SEC23IP: variants seen among roughly 807,000 people sequenced by gnomAD.
SEC23IP encodes the protein SEC23 interacting protein.
In SEC23IP, 70 loss-of-function variants were observed where a neutral mutation model predicts 113.4. The ratio of observed to expected loss-of-function variants is 0.62; its 90% CI spans 0.51 to 0.75. The LOEUF is 0.75. Among genes scored for constraint, SEC23IP ranks in the 30% least tolerant of loss-of-function variants. The probability of loss-of-function intolerance (pLI) is 0.00; values close to 1 mark genes in which losing one functional copy is unlikely to be tolerated. For missense variants in SEC23IP, 1,160 were observed against 1,204.9 expected, an observed-to-expected ratio of 0.96 and a Z score of 0.55; for synonymous variants, 398 against 421.0, an observed-to-expected ratio of 0.95 and a Z score of 0.67.
chr10:119,911,759 G>A (rs543401548), intron 5 of SEC23IP, among the ~76,000 whole-genome samples: 76 of 152,256 alleles, frequency 5.0e-4, no homozygotes, highest in African/African-American at 1.8e-3. Flanking sequence ...ACAGGTGTGA[G>A]CCACCATACC....
chr10:119,910,988 C>CT (rs202195036), intron 5 of SEC23IP, among the ~76,000 whole-genome samples: 89 of 139,912 alleles, frequency 6.4e-4, no homozygotes, highest in South Asian at 6.9e-4. Context: ...CTTGGCTAAC[C>CT]TTTTTTTTTT....
intron 18 of SEC23IP, among the ~76,000 whole-genome samples, chr10:119,936,199 A>C (rs1306873132): frequency 3.9e-5 from 6 of 152,132 alleles, no homozygotes; most frequent in Non-Finnish European, 5.9e-5. Flanking sequence ...ACTTTTTGCC[A>C]ATCTCTGTTT....
intron 1 of SEC23IP, among the ~76,000 whole-genome samples, chr10:119,898,012 A>G (rs1383973332): frequency 7.7e-6 from 1 of 130,492 alleles, no homozygotes; most frequent in Non-Finnish European, 1.7e-5. Context: ...CTCAAAAAAA[A>G]ATAAAAAAAA....
intron 8 of SEC23IP, among the ~76,000 whole-genome samples, chr10:119,916,643 CATTCCATGTAGCCCTGTTTTTTCTG>C (rs1157532520): frequency 6.6e-6 from 1 of 152,148 alleles, no homozygotes; most frequent in Non-Finnish European, 1.5e-5. Context: ...GAAGATTTTT[CATTCCATGTAGCCCTGTTTTTTCTG>C]TTTGATATTC....
intron 18 of SEC23IP, among the ~76,000 whole-genome samples, chr10:119,935,124 A>G (rs1855730581): frequency 6.6e-6 from 1 of 152,222 alleles, no homozygotes; most frequent in Non-Finnish European, 1.5e-5. Context: ...CCTTCCAGAT[A>G]TCTGTTAACA....
At chr10:119,909,850 C>T (rs1589830457) in intron 5 of SEC23IP, among the ~76,000 whole-genome samples, 1 of 151,990 alleles carries the variant, frequency 6.6e-6, no homozygotes, top group African/African-American at 2.4e-5. Flanking sequence ...TGATCACGCT[C>T]ACTCCAGCCT....
Position 119,892,916 on chromosome 10 carries a change from C to G in SEC23IP, c.134C>G (p.Ala45Gly). The change falls in exon 1 of 19, where the codon GCT becomes GGT. Residue 45 changes from alanine to glycine, a missense_variant. By Grantham distance (60) the Ala-to-Gly change is moderately conservative. Coordinates refer to ENST00000369075, the MANE Select transcript of SEC23IP (RefSeq NM_007190.4). Reference sequence around the variant, plus strand: ...TTCATCCCAGTCACCCAGGCCTCCGCTTCTCCGGCCTCCCTGCTCTTACCG... The same window carrying G: ...TTCATCCCAGTCACCCAGGCCTCCGGTTCTCCGGCCTCCCTGCTCTTACCG... ...VPFIPVTQASASPASLLLPGE... is the reference protein window; with the variant it reads ...VPFIPVTQASGSPASLLLPGE... 1 of 1,613,396 alleles carries G rather than the reference C, an allele frequency of 6.2e-7. No homozygotes were observed. The highest frequency in any genetic ancestry group is 1.1e-5 in the South Asian group (1 of 90,964).
At chr10:119,925,583 C>A (rs1343122828) in intron 12 of SEC23IP, among the ~76,000 whole-genome samples, 7 of 151,778 alleles carry the variant, frequency 4.6e-5, no homozygotes, top group African/African-American at 1.7e-4. Context: ...TCTCTGTTGC[C>A]CAGGGTGGAG....
chr10:119,929,554 C>T (rs1855526145), intron 13 of SEC23IP, 53 bp from the exon 14 acceptor site: 1 of 1,515,502 alleles, frequency 6.6e-7, no homozygotes, highest in South Asian at 1.2e-5. Context: ...AAAGAATTTT[C>T]TACTAGGTGA....
chr10:119,892,899 A>C lies in SEC23IP; in HGVS notation c.117A>C (p.Pro39=). The C allele has an allele frequency of 1.2e-6, 2 of 1,613,128 alleles. No individual in the cohort carries two copies. Among genetic ancestry groups the C allele is most frequent in the Non-Finnish European group, 1.7e-6 (2 of 1,179,578 alleles). The change falls in exon 1 of 19, where the codon CCA becomes CCC. Residue 39 remains proline (P), a synonymous_variant. Coordinates refer to ENST00000369075, the MANE Select transcript of SEC23IP (RefSeq NM_007190.4). The part of the protein sequence containing the change: ...TEFSFNVPFI[P]VTQASASPAS... Reference sequence around the variant, plus strand: ...TCAGCTTCAATGTGCCCTTCATCCCAGTCACCCAGGCCTCCGCTTCTCCGG... The same window carrying C: ...TCAGCTTCAATGTGCCCTTCATCCCCGTCACCCAGGCCTCCGCTTCTCCGG...
intron 8 of SEC23IP, among the ~76,000 whole-genome samples, chr10:119,917,190 C>G (rs1249744493): frequency 4.0e-5 from 6 of 151,742 alleles, no homozygotes; most frequent in Admixed American, 3.9e-4. Flanking sequence ...TTTGGTTTAC[C>G]TTTATTTATA....
At chr10:119,932,819 T>C (rs1364655283) in intron 16 of SEC23IP, among the ~76,000 whole-genome samples, 186 bp from the exon 17 acceptor site, 1 of 152,208 alleles carries the variant, frequency 6.6e-6, no homozygotes, top group Non-Finnish European at 1.5e-5. Flanking sequence ...TTGGCTCTTT[T>C]CTCCTCTCTC....
chr10:119,937,032 C>T (rs752024953), intron 18 of SEC23IP, among the ~76,000 whole-genome samples: 7 of 151,716 alleles, frequency 4.6e-5, no homozygotes, highest in Non-Finnish European at 8.8e-5. Flanking sequence ...GGACTACAGG[C>T]GCCCGCTGCT....
At chr10:119,934,243 A>AG (rs1292268861) in intron 18 of SEC23IP, among the ~76,000 whole-genome samples, 1 of 152,230 alleles carries the variant, frequency 6.6e-6, no homozygotes, top group African/African-American at 2.4e-5. Context: ...CCATGGTTGC[A>AG]GATACCATAT....
At chr10:119,937,118 G>A (rs952913689) in intron 18 of SEC23IP, among the ~76,000 whole-genome samples, 14 of 151,366 alleles carry the variant, frequency 9.2e-5, no homozygotes, top group African/African-American at 3.2e-4. Flanking sequence ...CTCGTGATCC[G>A]CCCGCCTTGG....
intron 18 of SEC23IP, 51 bp from the exon 19 acceptor site, chr10:119,940,535 A>T (rs1855932775): frequency 6.7e-6 from 1 of 149,678 alleles, no homozygotes; most frequent in African/African-American, 2.5e-5. Flanking sequence ...ATGGTATTTG[A>T]CTGTAAATTT....
chr10:119,912,870 G>A lies in SEC23IP; in HGVS notation c.1312+706G>A, dbSNP rs551244072. Among the ~76,000 whole-genome samples, 6 of 151,936 alleles carry A rather than the reference G, an allele frequency of 3.9e-5. No homozygotes were observed. In the South Asian group the frequency reaches 1.2e-3, roughly 32 times the overall value. ...TGGCCAGGCTGGTCTCAAACTCCTG[G>A]CCTCAAGTCATCCACCTGCCTCAGC... is the stretch of plus-strand genomic sequence containing the variant. On this transcript the variant is annotated intron_variant, in intron 6 of 18. Transcript: ENST00000369075.
At chr10:119,917,713 A>G in intron 8 of SEC23IP, 123 bp from the exon 9 acceptor site, 2 of 682,314 alleles carry the variant, frequency 2.9e-6, no homozygotes, top group South Asian at 1.9e-5. Flanking sequence ...ATCTACAGAA[A>G]CAACTCATAG....
chr10:119,892,967 C>A (rs568199079), intron 1 of SEC23IP, 22 bp downstream of exon 1: 2 of 1,598,692 alleles, frequency 1.3e-6, no homozygotes, highest in Non-Finnish European at 1.7e-6. Flanking sequence ...AGGGCGGCCC[C>A]GTGTGTGGTG....
Sources: allele counts gnomAD v4.1 joint callset (sites outside exome capture counted in the v4.1 genomes callset), GRCh38; gene constraint gnomAD v4.1.1; transcripts MANE v1.5; gene names NCBI Gene and HGNC (gene_info 2026-07-23, HGNC 2026-07-21).